Variants in LDB2 observed in about 807,000 individuals in gnomAD.
The protein encoded by LDB2 is LIM domain-binding protein 2.
Under a neutral mutation model 44.3 loss-of-function variants are expected in LDB2, and 12 were observed. The ratio of observed to expected loss-of-function variants is 0.27; its 90% CI spans 0.17 to 0.44. The LOEUF (loss-of-function observed/expected upper bound fraction) is 0.44, where lower values mean the gene tolerates loss of function less well. LDB2 is among the 20% of genes least tolerant of loss of function. LDB2 has a pLI of 1.00. For synonymous variants in LDB2, 164 were observed against 174.8 expected (o/e 0.94, Z 0.49); for missense variants, 344 against 473.5 (o/e 0.73, Z 2.54).
At chr4:16,830,331 T>C (rs1216527776) in intron 1 of LDB2, among the ~76,000 whole-genome samples, 1 of 152,026 alleles carries the variant, frequency 6.6e-6, no homozygotes, top group African/African-American at 2.4e-5. Context: ...AAAGGGCTCT[T>C]CCCCCTTCAC....
At chr4:16,534,532 T>C (rs1485870201) in intron 5 of LDB2, among the ~76,000 whole-genome samples, 1 of 152,188 alleles carries the variant, frequency 6.6e-6, no homozygotes, top group Admixed American at 6.5e-5. Flanking sequence ...AAAAAATGTA[T>C]TGGAACACAT....
At chr4:16,559,250 A>G (rs1741069224) in intron 5 of LDB2, among the ~76,000 whole-genome samples, 3 of 152,230 alleles carry the variant, frequency 2.0e-5, no homozygotes, top group African/African-American at 7.2e-5. Context: ...AAATGCTCCA[A>G]TTAAAAGACA....
intron 1 of LDB2, among the ~76,000 whole-genome samples, chr4:16,871,178 C>A (rs1716465140): frequency 6.6e-6 from 1 of 152,116 alleles, no homozygotes; most frequent in Non-Finnish European, 1.5e-5. Context: ...ATTATTGGTG[C>A]CCTTGGGGTT....
At chr4:16,752,708 G>A (rs1765716379) in intron 2 of LDB2, among the ~76,000 whole-genome samples, 1 of 152,088 alleles carries the variant, frequency 6.6e-6, no homozygotes, top group African/African-American at 2.4e-5. Context: ...CTAAAATGTT[G>A]GCATTATTGT....
At chr4:16,678,299 G>C (rs770742952) in intron 2 of LDB2, among the ~76,000 whole-genome samples, 1 of 152,198 alleles carries the variant, frequency 6.6e-6, no homozygotes, top group Non-Finnish European at 1.5e-5. Flanking sequence ...CAATTATTTT[G>C]TACCAGGCCC....
intron 1 of LDB2, among the ~76,000 whole-genome samples, chr4:16,762,860 C>T (rs1195187785): frequency 3.3e-5 from 5 of 152,152 alleles, no homozygotes; most frequent in Admixed American, 6.5e-5. Context: ...ACTCAAGTTA[C>T]AATGAGGTTC....
chr4:16,723,041 C>T (rs1029434477), intron 2 of LDB2, among the ~76,000 whole-genome samples: 5 of 152,096 alleles, frequency 3.3e-5, no homozygotes, highest in Admixed American at 6.6e-5. Flanking sequence ...ATGGGTTTTC[C>T]GGATGTAACT....
intron 2 of LDB2, among the ~76,000 whole-genome samples, chr4:16,660,744 G>A (rs1489522876): frequency 6.6e-6 from 1 of 152,112 alleles, no homozygotes; most frequent in East Asian, 1.9e-4. Context: ...AACAATCCCT[G>A]GAATCCTTGT....
rs143992947 is a variant in LDB2 at position 16,877,513 on chromosome 4, T to A, written c.132+20841A>T. On this transcript the variant is annotated intron_variant, in intron 1 of 7. Coordinates refer to ENST00000304523, the MANE Select transcript of LDB2 (RefSeq NM_001290.5). Reference sequence around the variant, plus strand: ...AGTTTGTTAAACTGATGTGTGTTTATGATGAGCACCCAATACTTTTGAAGG... The same window carrying A: ...AGTTTGTTAAACTGATGTGTGTTTAAGATGAGCACCCAATACTTTTGAAGG... 2.0e-5 allele frequency among the ~76,000 whole-genome samples: 3 copies of A among 152,364 alleles called. No homozygotes were observed. The East Asian group carries it at 5.8e-4, about 29-fold the overall frequency.
At chr4:16,645,603 A>T (rs1560743432) in intron 2 of LDB2, among the ~76,000 whole-genome samples, 1 of 151,832 alleles carries the variant, frequency 6.6e-6, no homozygotes, top group South Asian at 2.1e-4. Flanking sequence ...CAAGACTGAC[A>T]GAGTAATGTT....
chr4:16,777,467 C>A (rs183884176), intron 1 of LDB2, among the ~76,000 whole-genome samples: 1 of 152,042 alleles, frequency 6.6e-6, no homozygotes, highest in Non-Finnish European at 1.5e-5. Flanking sequence ...TGGAAGCTGG[C>A]GGTGGGAGGC....
intron 1 of LDB2, among the ~76,000 whole-genome samples, chr4:16,830,810 T>C (rs772821603): frequency 4.6e-5 from 7 of 152,258 alleles, no homozygotes; most frequent in Middle Eastern, 3.4e-3. Flanking sequence ...GTCATTTCAT[T>C]TGGTTCATGA....
At chr4:16,794,614 GTATT>G (rs140154663) in intron 1 of LDB2, among the ~76,000 whole-genome samples, 34 of 152,210 alleles carry the variant, frequency 2.2e-4, no homozygotes, top group African/African-American at 7.9e-4. Flanking sequence ...AATAATAGAA[GTATT>G]TATCCCATGG....
chr4:16,819,685 G>C (rs971917079), intron 1 of LDB2, among the ~76,000 whole-genome samples: 1 of 152,046 alleles, frequency 6.6e-6, no homozygotes, highest in African/African-American at 2.4e-5. Context: ...AAACACAAGT[G>C]TGAGCAATAT....
At chr4:16,504,359 G>C (rs977847872) in intron 7 of LDB2, among the ~76,000 whole-genome samples, 1 of 152,146 alleles carries the variant, frequency 6.6e-6, no homozygotes, top group African/African-American at 2.4e-5. Flanking sequence ...CACCATTCTT[G>C]AGTTAGGGGA....
At chr4:16,869,890 G>T (rs1715962600) in intron 1 of LDB2, among the ~76,000 whole-genome samples, 1 of 152,138 alleles carries the variant, frequency 6.6e-6, no homozygotes, top group Admixed American at 6.5e-5. Flanking sequence ...AGTCAATGTG[G>T]TGATCCAAAA....
intron 1 of LDB2, among the ~76,000 whole-genome samples, chr4:16,876,796 T>C (rs1209303535): frequency 1.3e-5 from 2 of 152,132 alleles, no homozygotes; most frequent in African/African-American, 4.8e-5. Flanking sequence ...GAAATAAGTA[T>C]TGCCATCGAT....
At chr4:16,567,638 C>T (rs1413651443) in intron 5 of LDB2, among the ~76,000 whole-genome samples, 2 of 151,998 alleles carry the variant, frequency 1.3e-5, no homozygotes, top group East Asian at 1.9e-4. Context: ...GGTGTGGTGG[C>T]GGGCGCCTGT....
At chr4:16,559,353 T>C (rs1248147465) in intron 5 of LDB2, among the ~76,000 whole-genome samples, 1 of 151,472 alleles carries the variant, frequency 6.6e-6, no homozygotes, top group African/African-American at 2.4e-5. Context: ...GGGCTCAAAA[T>C]AAAAGGATGG....
Sources: allele counts gnomAD v4.1 joint callset (sites outside exome capture counted in the v4.1 genomes callset), GRCh38; gene constraint gnomAD v4.1.1; transcripts MANE v1.5; gene names NCBI Gene and HGNC (gene_info 2026-07-23, HGNC 2026-07-21).